The following ZNF280B variants were observed in gnomAD, a reference collection of about 807,000 sequenced individuals.
ZNF280B encodes zinc finger protein 280B.
ZNF280B carries 16 observed loss-of-function variants against 38.0 expected under a neutral mutation model. The ratio of observed to expected loss-of-function variants is 0.42; its 90% CI spans 0.28 to 0.64. ZNF280B has a LOEUF of 0.64. ZNF280B is among the 30% of genes least tolerant of loss of function. ZNF280B has a pLI of 0.21. For synonymous variants in ZNF280B, 253 were observed against 230.6 expected (o/e 1.10, Z -0.88); for missense variants, 581 against 639.6 (o/e 0.91, Z 0.99).
At position 22,486,985 on chromosome 22, in the gene ZNF280B, A is replaced by C. The variant is rs1488378732; in HGVS notation, c.*782T>G. On this transcript the variant is annotated 3_prime_UTR_variant, in exon 4 of 4. Coordinates refer to ENST00000626650, the MANE Select transcript of ZNF280B (RefSeq NM_080764.4). ...AGGCACTTCTGGGAATTCGGCAGCA[A>C]GTGGGCCAGGGCATAACAAAGCCAT... 1.3e-5 allele frequency: 2 copies of C among 152,022 alleles called. No homozygotes were observed. The highest frequency in any genetic ancestry group is 6.6e-5 in the Admixed American group (1 of 15,244). The allele number at this position is 152,022 out of a possible 1,614,324, so 9.4% of individuals were successfully genotyped here. A position where few individuals can be genotyped will look rare whatever the true frequency, so the allele number is the denominator to read the frequency against.
chr22:22,487,506 T>C lies in ZNF280B; in HGVS notation c.*261A>G. 3.5e-6 allele frequency: 1 copy of C among 289,328 alleles called. No individual in the cohort carries two copies. Among genetic ancestry groups the C allele is most frequent in the Non-Finnish European group, 5.9e-6 (1 of 170,264 alleles). The allele number at this position is 289,328 out of a possible 1,614,324, so 17.9% of individuals were successfully genotyped here. ...AATTAAAAAAATAAATTAATACCTT[T>C]TTCTCTCTCTCACACACACACACAA... On this transcript the variant is annotated 3_prime_UTR_variant, in exon 4 of 4. Transcript: ENST00000626650.
At chr22:22,495,862 T>C (rs924046297) in intron 2 of ZNF280B, among the ~76,000 whole-genome samples, 2 of 150,512 alleles carry the variant, frequency 1.3e-5, no homozygotes, top group East Asian at 4.0e-4. Context: ...GGCACAGTCT[T>C]GTGCACAGTC....
intron 2 of ZNF280B, among the ~76,000 whole-genome samples, chr22:22,499,467 A>G (rs546775194): frequency 6.6e-6 from 1 of 151,354 alleles, no homozygotes; most frequent in Non-Finnish European, 1.5e-5. Flanking sequence ...TGGTTTCTCC[A>G]TGCTGGTCAG....
At chr22:22,506,644 G>A (rs1601743835) in intron 2 of ZNF280B, among the ~76,000 whole-genome samples, 1 of 151,924 alleles carries the variant, frequency 6.6e-6, no homozygotes, top group Admixed American at 6.6e-5. Flanking sequence ...TTAAGGTGAG[G>A]TGATGGTACA....
rs181753682 is a variant in ZNF280B, at chr22:22,484,578, A to G, written c.*3189T>C. 1 of 152,584 alleles carries G rather than the reference A, an allele frequency of 6.6e-6. No homozygotes were observed. The highest frequency in any genetic ancestry group is 2.0e-4 in the East Asian group (1 of 5,118). The allele number at this position is 152,584 out of a possible 1,614,324, so 9.5% of individuals were successfully genotyped here. The stretch of plus-strand genomic sequence containing the variant: ...ACAAAATAGTAATCTTGACATATTC[A>G]ATATATTTGTAAACAAAACAAAGTG... On this transcript the variant is annotated 3_prime_UTR_variant, in exon 4 of 4. Coordinates refer to ENST00000626650, the MANE Select transcript of ZNF280B (RefSeq NM_080764.4).
At chr22:22,493,223 G>A (rs1334978737) in intron 3 of ZNF280B, among the ~76,000 whole-genome samples, 1 of 151,826 alleles carries the variant, frequency 6.6e-6, no homozygotes, top group Non-Finnish European at 1.5e-5. Context: ...TGGCCAGGAT[G>A]GTCTTCATCT....
rs1462877841 is a variant in ZNF280B at position 22,489,395 on chromosome 22, C to G, written c.4G>C (p.Glu2Gln). ...TCTTTCTCTTCCTCACATGATTGTT[C>G]CATTTTCTAATTTTTTTATTCCTGA... M[E>Q]QSCEEEKEPE... Residue 2 changes from glutamate (E) to glutamine (Q), a missense_variant, in exon 4 of 4, where the codon GAA becomes CAA. By Grantham distance (29) the Glu-to-Gln change is conservative. Transcript: ENST00000626650. The G allele has an allele frequency of 6.3e-7, 1 of 1,581,008 alleles. No homozygotes were observed. The highest frequency in any genetic ancestry group is 1.4e-5 in the African/African-American group (1 of 72,802).
Position 22,487,507 on chromosome 22 carries a change from TTC to T in ZNF280B, c.*258_*259del, listed in dbSNP as rs893984101. On this transcript the variant is annotated 3_prime_UTR_variant, in exon 4 of 4. Transcript: ENST00000626650. ...ATTAAAAAAATAAATTAATACCTTTTTCTCTCTCTCACACACACACACAAACA... is the reference window on the plus strand; with the variant it reads ...ATTAAAAAAATAAATTAATACCTTTTTCTCTCTCACACACACACACAAACA... 11 of 307,102 alleles carry T rather than the reference TTC, an allele frequency of 3.6e-5. No homozygotes were observed. The highest frequency in any genetic ancestry group is 5.1e-5 in the Non-Finnish European group (9 of 176,276). The allele number at this position is 307,102 out of a possible 1,614,324, so 19.0% of individuals were successfully genotyped here.
chr22:22,491,065 G>C (rs1241477254), intron 3 of ZNF280B, among the ~76,000 whole-genome samples: 1 of 151,578 alleles, frequency 6.6e-6, no homozygotes, highest in East Asian at 2.0e-4. Flanking sequence ...AACTCAAAAG[G>C]GCAGGTATTC....
chr22:22,503,442 C>T (rs186131387), intron 2 of ZNF280B, among the ~76,000 whole-genome samples: 130 of 152,092 alleles, frequency 8.5e-4, no homozygotes, highest in African/African-American at 2.9e-3. Flanking sequence ...AACCCCCCAT[C>T]TCCCAACAAC....
intron 3 of ZNF280B, among the ~76,000 whole-genome samples, chr22:22,492,357 A>C (rs114737591): frequency 0.011 from 1,746 of 151,962 alleles, 34 homozygotes; most frequent in African/African-American, 0.038. Context: ...TTGGGACTAG[A>C]TAATTCTTTG....
intron 2 of ZNF280B, among the ~76,000 whole-genome samples, chr22:22,503,002 T>G (rs1455971611): frequency 1.3e-5 from 2 of 151,856 alleles, no homozygotes; most frequent in African/African-American, 2.4e-5. Context: ...GAAGCAAAGA[T>G]TAGAGTGACA....
In ZNF280B at chr22:22,487,973, T is replaced by C. The variant is rs765645208; in HGVS notation, c.1426A>G (p.Met476Val). Residue 476 changes from methionine to valine, a missense_variant, in exon 4 of 4, where the codon ATG (methionine) becomes GTG (valine). Met to Val is a conservative substitution (Grantham distance 21, BLOSUM62 1). Coordinates refer to ENST00000626650, the MANE Select transcript of ZNF280B (RefSeq NM_080764.4). ...RLQFLTFKEK[M>V]EHKTQCHQMF... ...TGATGACACTGGGTCTTGTGCTCCA[T>C]TTTCTCCTTGAAAGTTAAAAACTGT... The C allele has an allele frequency of 1.2e-6, 2 of 1,613,660 alleles. No homozygotes were observed. The highest frequency in any genetic ancestry group is 2.2e-5 in the East Asian group (1 of 44,824).
intron 2 of ZNF280B, among the ~76,000 whole-genome samples, chr22:22,501,534 C>T (rs1026593615): frequency 2.0e-5 from 3 of 151,770 alleles, no homozygotes; most frequent in Non-Finnish European, 4.4e-5. Flanking sequence ...CACCACACTC[C>T]AGCCTGGGCG....
chr22:22,504,340 T>C (rs1464454195), intron 2 of ZNF280B, among the ~76,000 whole-genome samples: 2 of 151,450 alleles, frequency 1.3e-5, no homozygotes, highest in Non-Finnish European at 2.9e-5. Context: ...GGCAGGAGAA[T>C]TGCTTGAACC....
chr22:22,506,734 A>G (rs527324332), intron 2 of ZNF280B, among the ~76,000 whole-genome samples: 1 of 151,940 alleles, frequency 6.6e-6, no homozygotes, highest in Non-Finnish European at 1.5e-5. Context: ...CTAGAATAAT[A>G]TCCTTAAATA....
chr22:22,489,016 T>C lies in ZNF280B; in HGVS notation c.383A>G (p.Asn128Ser), dbSNP rs2061542404. The change falls in exon 4 of 4, where the codon AAT (asparagine) becomes AGT (serine). Residue 128 changes from asparagine (N) to serine (S), a missense_variant. By Grantham distance (46) the Asn-to-Ser change is conservative (BLOSUM62 1). Coordinates refer to ENST00000626650, the MANE Select transcript of ZNF280B (RefSeq NM_080764.4). ...ATTAGGCACAACTTGTGGTGAACTA[T>C]TTCTATAATCAGGTTTAGACAAAGG... ...IEPLSKPDYR[N>S]SSPQVVPNNS... 6.2e-7 allele frequency: 1 copy of C among 1,613,752 alleles called. No homozygotes were observed. The highest frequency in any genetic ancestry group is 1.7e-5 in the Admixed American group (1 of 59,964).
intron 3 of ZNF280B, among the ~76,000 whole-genome samples, chr22:22,491,685 C>G (rs1488042189): frequency 6.6e-6 from 1 of 151,758 alleles, no homozygotes; most frequent in African/African-American, 2.4e-5. Flanking sequence ...GTCTTGAACT[C>G]CTGACCTTGT....
chr22:22,489,167 G>C lies in ZNF280B; in HGVS notation c.232C>G (p.Leu78Val). ...AATTTGCGAGCAGTATCTTTTCTAA[G>C]GTGATCATACTTTTTTCTCCTTGAC... is the stretch of plus-strand genomic sequence containing the variant. ...SWSRRKKYDH[L>V]RKDTARKLQP... The change falls in exon 4 of 4, where the codon CTT (leucine) becomes GTT (valine). Residue 78 changes from leucine (L) to valine (V), a missense_variant. Physicochemically the swap from Leu to Val is conservative, Grantham distance 32 (BLOSUM62 1). Coordinates refer to ENST00000626650, the MANE Select transcript of ZNF280B (RefSeq NM_080764.4). The C allele has an allele frequency of 6.2e-7, 1 of 1,613,810 alleles. No homozygotes were observed. Among genetic ancestry groups the C allele is most frequent in the Non-Finnish European group, 8.5e-7 (1 of 1,179,946 alleles).
Sources: gnomAD v4.1 joint callset for allele counts (sites outside exome capture counted in the v4.1 genomes callset) on GRCh38, gnomAD v4.1.1 for gene constraint, MANE v1.5 for transcripts, NCBI Gene and HGNC (gene_info 2026-07-23, HGNC 2026-07-21) for gene names.